RFX3: variants seen among roughly 807,000 people sequenced by gnomAD.
The protein encoded by RFX3 is regulatory factor X3.
Under a neutral mutation model 98.6 loss-of-function variants are expected in RFX3, and 14 were observed. That is an observed-to-expected ratio of 0.14 (90% CI 0.09 to 0.22). RFX3 has a LOEUF of 0.22. Among genes scored for constraint, RFX3 ranks in the 10% least tolerant of loss-of-function variants. The pLI, the probability that RFX3 is intolerant of heterozygous loss-of-function variation, is 1.00. For synonymous variants in RFX3, 383 were observed against 328.4 expected, an observed-to-expected ratio of 1.17 and a Z score of -1.80; for missense variants, 639 against 926.9, an observed-to-expected ratio of 0.69 and a Z score of 4.03.
At chr9:3,377,543 A>T (rs1486731325) in intron 2 of RFX3, among the ~76,000 whole-genome samples, 1 of 152,208 alleles carries the variant, frequency 6.6e-6, no homozygotes, top group African/African-American at 2.4e-5. Context: ...CATATGTAAC[A>T]AAACTGCACG....
intron 2 of RFX3, among the ~76,000 whole-genome samples, chr9:3,363,336 C>T (rs1836677483): frequency 6.6e-6 from 1 of 152,114 alleles, no homozygotes; most frequent in Non-Finnish European, 1.5e-5. Flanking sequence ...TTAAGTTTGG[C>T]AACTCTAGAG....
At chr9:3,441,144 A>G (rs1186378451) in intron 1 of RFX3, among the ~76,000 whole-genome samples, 3 of 152,204 alleles carry the variant, frequency 2.0e-5, no homozygotes, top group African/African-American at 7.2e-5. Context: ...GGTTTGTACA[A>G]CCAAGTAAAT....
intron 2 of RFX3, among the ~76,000 whole-genome samples, chr9:3,392,937 T>G (rs1386495455): frequency 6.6e-6 from 1 of 152,046 alleles, no homozygotes; most frequent in Admixed American, 6.6e-5. Context: ...CTGAATTTAC[T>G]GAATTTACTG....
intron 1 of RFX3, among the ~76,000 whole-genome samples, chr9:3,471,324 T>G (rs1396778079): frequency 6.6e-6 from 1 of 152,254 alleles, no homozygotes; most frequent in Non-Finnish European, 1.5e-5. Context: ...GGCATCATTT[T>G]ACAAATAACT....
chr9:3,274,245 T>C lies in RFX3; in HGVS notation c.1086+1255A>G, dbSNP rs553068914. ...GCGCTAGCAATTCTTATTTCTGGTGTCGGGGAAAATGTCTATTAATGCTAT... is the reference window on the plus strand; with the variant it reads ...GCGCTAGCAATTCTTATTTCTGGTGCCGGGGAAAATGTCTATTAATGCTAT... On this transcript the variant is annotated intron_variant, in intron 9 of 16. Transcript: ENST00000617270. Among the ~76,000 whole-genome samples the C allele has an allele frequency of 2.0e-5, 3 of 152,286 alleles. No individual in the cohort carries two copies. The East Asian group carries it at 5.8e-4, about 29-fold the overall frequency.
At chr9:3,294,133 T>C (rs1365892995) in intron 5 of RFX3, among the ~76,000 whole-genome samples, 1 of 152,202 alleles carries the variant, frequency 6.6e-6, no homozygotes, top group Non-Finnish European at 1.5e-5. Context: ...ATTAACAAAA[T>C]TAAATCTTTT....
rs1816703477 is a variant in RFX3 at position 3,504,908 on chromosome 9, ATATATAATATAACATATATTATATATAAT to A, written c.-9+20810_-9+20838del. On this transcript the variant is annotated intron_variant, in intron 1 of 16. Coordinates refer to ENST00000617270, the MANE Select transcript of RFX3 (RefSeq NM_001282116.2). The stretch of plus-strand genomic sequence containing the variant: ...ATATAATATAACATATATTATATAT[ATATATAATATAACATATATTATATATAAT>A]ATATATAATATAATATATATTATAT... 1.9e-4 allele frequency among the ~76,000 whole-genome samples: 14 copies of A among 73,630 alleles called. 1 individual carries two copies. Among genetic ancestry groups the A allele is most frequent in the African/African-American group, 9.5e-4 (13 of 13,712 alleles). The allele number at this position is 73,630 out of a possible 152,430, so 48.3% of individuals were successfully genotyped here. A position where few individuals can be genotyped will look rare whatever the true frequency, so the allele number is the denominator to read the frequency against.
intron 4 of RFX3, among the ~76,000 whole-genome samples, chr9:3,316,367 G>C (rs1196330309): frequency 1.3e-5 from 2 of 152,058 alleles, no homozygotes; most frequent in African/African-American, 4.8e-5. Context: ...GTATTGATGG[G>C]ACGTATCTCA....
intron 4 of RFX3, among the ~76,000 whole-genome samples, chr9:3,309,487 C>T (rs1829720667): frequency 6.6e-6 from 1 of 151,658 alleles, no homozygotes; most frequent in Non-Finnish European, 1.5e-5. Flanking sequence ...ATTCAAGAGC[C>T]ACCCTGAGGC....
rs772874899 is a variant in RFX3 at position 3,406,437 on chromosome 9, C to T, written c.-8-10841G>A. Among the ~76,000 whole-genome samples, 11 of 152,138 alleles carry T rather than the reference C, an allele frequency of 7.2e-5. No individual in the cohort carries two copies. In the South Asian group the frequency reaches 1.2e-3, roughly 17 times the overall value. On this transcript the variant is annotated intron_variant, in intron 1 of 16. Transcript: ENST00000617270. Reference sequence around the variant, plus strand: ...CTCTTAACAAGTCCGAATCTAGTGTCCTCCTGGTATTCCTATAGCATACTA... The same window carrying T: ...CTCTTAACAAGTCCGAATCTAGTGTTCTCCTGGTATTCCTATAGCATACTA...
chr9:3,316,357 G>A (rs1401161251), intron 4 of RFX3, among the ~76,000 whole-genome samples: 1 of 150,732 alleles, frequency 6.6e-6, no homozygotes, highest in African/African-American at 2.5e-5. Flanking sequence ...AATAAACTAG[G>A]TATTGATGGG....
chr9:3,248,063 G>A lies in RFX3; in HGVS notation c.1937C>T (p.Thr646Ile). ...YLVEHRVAQATGETPIAVMGE... is the reference protein window; with the variant it reads ...YLVEHRVAQAIGETPIAVMGE... ...CATGACTGCTATAGGAGTCTCTCCT[G>A]TTGCCTGAGCAACACGATGTTCTAC... The change falls in exon 15 of 17, where the codon ACA (threonine) becomes ATA (isoleucine). Residue 646 changes from threonine to isoleucine, a missense_variant. Thr to Ile is a moderately conservative substitution (Grantham distance 89). Around this residue, in one of 9 missense-constraint regions of RFX3, gnomAD observed 138 missense variants for 308.9 expected, o/e 0.45. Transcript: ENST00000617270. 6.2e-7 allele frequency: 1 copy of A among 1,614,002 alleles called. No homozygotes were observed. Among genetic ancestry groups the A allele is most frequent in the Non-Finnish European group, 8.5e-7 (1 of 1,179,932 alleles).
At chr9:3,522,173 G>T (rs915037942) in intron 1 of RFX3, among the ~76,000 whole-genome samples, 1 of 152,108 alleles carries the variant, frequency 6.6e-6, no homozygotes, top group African/African-American at 2.4e-5. Context: ...AGTAAAAAAT[G>T]AAAGTGACAC....
chr9:3,277,571 A>C, intron 7 of RFX3, 110 bp from the exon 8 acceptor site: 2 of 881,000 alleles, frequency 2.3e-6, no homozygotes, highest in Non-Finnish European at 3.4e-6. Flanking sequence ...TTAACGTCTC[A>C]TGATAGTTGT....
chr9:3,238,172 T>C (rs868492450), intron 15 of RFX3, among the ~76,000 whole-genome samples: 1 of 152,140 alleles, frequency 6.6e-6, no homozygotes. Flanking sequence ...ACAGTAAAAT[T>C]CCATTTAATA....
At chr9:3,389,411 G>C (rs746383180) in intron 2 of RFX3, among the ~76,000 whole-genome samples, 26 of 152,030 alleles carry the variant, frequency 1.7e-4, no homozygotes, top group Non-Finnish European at 2.9e-4. Context: ...GATAGGATGG[G>C]TAATATCAAA....
At chr9:3,308,987 G>C (rs903649883) in intron 4 of RFX3, among the ~76,000 whole-genome samples, 1 of 152,126 alleles carries the variant, frequency 6.6e-6, no homozygotes, top group African/African-American at 2.4e-5. Context: ...TGGAGAGCTA[G>C]AGACTATACC....
At chr9:3,399,004 G>C (rs143126478) in intron 1 of RFX3, among the ~76,000 whole-genome samples, 1 of 147,828 alleles carries the variant, frequency 6.8e-6, no homozygotes, top group East Asian at 2.0e-4. Flanking sequence ...GAGCATATCA[G>C]AAGATAAAAG....
chr9:3,370,133 G>A (rs1234767151), intron 2 of RFX3, among the ~76,000 whole-genome samples: 2 of 148,974 alleles, frequency 1.3e-5, no homozygotes, highest in Admixed American at 6.7e-5. Context: ...GAGCCACCAC[G>A]CCCAGCCCAG....
Sources: allele counts gnomAD v4.1 joint callset (sites outside exome capture counted in the v4.1 genomes callset), GRCh38; gene constraint gnomAD v4.1.1; regional missense constraint gnomAD v4.1.1; transcripts MANE v1.5; gene names NCBI Gene and HGNC (gene_info 2026-07-23, HGNC 2026-07-21).